The following SLC44A5 variants were observed in gnomAD, a reference collection of about 807,000 sequenced individuals.
The protein encoded by SLC44A5 is choline transporter-like protein 5.
In SLC44A5, 57 loss-of-function variants were observed where a neutral mutation model predicts 101.8. The observed-to-expected ratio is 0.56, with a 90% CI of 0.45 to 0.70. The LOEUF is 0.70. SLC44A5 is among the 30% of genes least tolerant of loss of function. SLC44A5 has a pLI of 0.00. For synonymous variants in SLC44A5, 281 were observed against 290.9 expected (o/e 0.97, Z 0.35); for missense variants, 737 against 853.1 (o/e 0.86, Z 1.70).
chr1:75,518,469 T>C (rs147539504), intron 2 of SLC44A5, among the ~76,000 whole-genome samples: 1 of 152,332 alleles, frequency 6.6e-6, no homozygotes, highest in East Asian at 1.9e-4. Context: ...ACCCGTAAGC[T>C]GTTTGTCTTG....
chr1:75,491,731 G>GCA (rs35416517), intron 2 of SLC44A5, among the ~76,000 whole-genome samples: 22,809 of 147,920 alleles, frequency 0.15, 1,884 homozygotes, highest in African/African-American at 0.21. Flanking sequence ...ACGCACGCAC[G>GCA]CACACACACA....
At chr1:75,549,717 C>T (rs989690448) in intron 1 of SLC44A5, among the ~76,000 whole-genome samples, 8 of 152,086 alleles carry the variant, frequency 5.3e-5, no homozygotes, top group Non-Finnish European at 7.4e-5. Context: ...GAAGGAAACA[C>T]AGAATTACCC....
chr1:75,212,396 A>C (rs1261291432), intron 22 of SLC44A5, among the ~76,000 whole-genome samples: 1 of 151,768 alleles, frequency 6.6e-6, no homozygotes, highest in East Asian at 1.9e-4. Flanking sequence ...CTTTGTGTCT[A>C]TGTGTACTCA....
intron 1 of SLC44A5, among the ~76,000 whole-genome samples, chr1:75,569,916 AAATGCAGGAGATTC>A (rs1308039472): frequency 2.6e-5 from 4 of 152,224 alleles, no homozygotes; most frequent in Non-Finnish European, 5.9e-5. Flanking sequence ...GTGAGATATG[AAATGCAGGAGATTC>A]AATAAAGGGC....
chr1:75,554,831 T>C (rs965449616), intron 1 of SLC44A5, among the ~76,000 whole-genome samples: 1 of 152,062 alleles, frequency 6.6e-6, no homozygotes, highest in African/African-American at 2.4e-5. Context: ...AAAAATAAGA[T>C]ACTGCCTTTA....
chr1:75,358,743 T>C (rs1023066773), intron 3 of SLC44A5, among the ~76,000 whole-genome samples: 1 of 152,226 alleles, frequency 6.6e-6, no homozygotes, highest in African/African-American at 2.4e-5. Flanking sequence ...ATGGTGTACA[T>C]TCGTGAATGG....
chr1:75,285,621 T>A (rs1652975672), intron 5 of SLC44A5, among the ~76,000 whole-genome samples: 1 of 152,144 alleles, frequency 6.6e-6, no homozygotes, highest in Admixed American at 6.5e-5. Context: ...TGAAGAGTCA[T>A]CTTAGCACCA....
intron 4 of SLC44A5, among the ~76,000 whole-genome samples, chr1:75,313,118 C>T (rs1340849045): frequency 3.3e-5 from 5 of 152,050 alleles, no homozygotes; most frequent in Admixed American, 3.3e-4. Context: ...AGAATGAAAC[C>T]AGGGCCAGTT....
the SLC44A5 span, among the ~76,000 whole-genome samples, chr1:75,692,135 G>A: frequency 6.7e-6 from 1 of 148,666 alleles, no homozygotes; most frequent in Non-Finnish European, 1.5e-5. Flanking sequence ...AACACAGAGA[G>A]AGAACAATTC....
chr1:75,558,682 G>A (rs1672352583), intron 1 of SLC44A5, among the ~76,000 whole-genome samples: 1 of 152,024 alleles, frequency 6.6e-6, no homozygotes, highest in Admixed American at 6.6e-5. Context: ...CAACAACTTT[G>A]CGATATTTTG....
intron 7 of SLC44A5, among the ~76,000 whole-genome samples, chr1:75,248,705 G>A (rs1193172813): frequency 2.0e-5 from 3 of 152,032 alleles, no homozygotes; most frequent in Middle Eastern, 3.2e-3. Context: ...CAGCATTAAC[G>A]GCCCACTTGA....
the SLC44A5 span, among the ~76,000 whole-genome samples, chr1:75,679,042 C>T: frequency 8.3e-3 from 1,265 of 151,760 alleles, 14 homozygotes; most frequent in South Asian, 0.021. Flanking sequence ...TGAAATGAAG[C>T]GAGAAGGGAA....
the SLC44A5 span, among the ~76,000 whole-genome samples, chr1:75,644,828 C>T: frequency 6.7e-6 from 1 of 148,660 alleles, no homozygotes; most frequent in Non-Finnish European, 1.5e-5. Flanking sequence ...TGTGATGTTC[C>T]CCTTCCTGTG....
At chr1:75,686,328 T>G in the SLC44A5 span, among the ~76,000 whole-genome samples, 2 of 151,970 alleles carry the variant, frequency 1.3e-5, no homozygotes, top group Non-Finnish European at 2.9e-5. Context: ...TAGGAGTAAG[T>G]GGGGAATGCT....
intron 2 of SLC44A5, among the ~76,000 whole-genome samples, chr1:75,532,033 G>A (rs1670749350): frequency 6.6e-6 from 1 of 152,154 alleles, no homozygotes; most frequent in South Asian, 2.1e-4. Flanking sequence ...CTGGAAACTT[G>A]TTAGAATGCA....
intron 6 of SLC44A5, among the ~76,000 whole-genome samples, chr1:75,259,175 G>C (rs1650275692): frequency 6.6e-6 from 1 of 152,186 alleles, no homozygotes; most frequent in Non-Finnish European, 1.5e-5. Flanking sequence ...GACAGAGAAT[G>C]AGTTTGACAA....
intron 10 of SLC44A5, among the ~76,000 whole-genome samples, chr1:75,237,589 C>T (rs759164046): frequency 6.6e-6 from 1 of 152,096 alleles, no homozygotes; most frequent in South Asian, 2.1e-4. Context: ...CAACACCTCT[C>T]CCTTCCTCAA....
chr1:75,713,874 C>A, the SLC44A5 span, among the ~76,000 whole-genome samples: 4 of 151,818 alleles, frequency 2.6e-5, no homozygotes, highest in African/African-American at 4.8e-5. Flanking sequence ...ACAAACACAG[C>A]TGAATGCAAC....
chr1:75,313,503 A>G (rs1655461084), intron 4 of SLC44A5, among the ~76,000 whole-genome samples: 1 of 152,192 alleles, frequency 6.6e-6, no homozygotes, highest in Non-Finnish European at 1.5e-5. Flanking sequence ...AATGGACATA[A>G]GGGGTTGTTG....
Sources: allele counts gnomAD v4.1 joint callset (sites outside exome capture counted in the v4.1 genomes callset), GRCh38; gene constraint gnomAD v4.1.1; transcripts MANE v1.5; gene names NCBI Gene and HGNC (gene_info 2026-07-23, HGNC 2026-07-21).